Variants in TBL1X observed in about 807,000 individuals in gnomAD.
The protein encoded by TBL1X is transducin beta like 1 X-linked, also known as F-box-like/WD repeat-containing protein TBL1X.
Under a neutral mutation model 50.7 loss-of-function variants are expected in TBL1X, and 10 were observed. The ratio of observed to expected loss-of-function variants is 0.20; its 90% CI spans 0.12 to 0.33. The LOEUF (loss-of-function observed/expected upper bound fraction) is 0.33. Among genes scored for constraint, TBL1X ranks in the 10% least tolerant of loss-of-function variants. The pLI is 1.00. For missense variants in TBL1X, 340 were observed against 504.4 expected (o/e 0.67, Z 3.12); for synonymous variants, 190 against 214.7 (o/e 0.88, Z 1.01).
At chrX:9,522,753 C>G (rs1364052273) in intron 2 of TBL1X, among the ~76,000 whole-genome samples, 1 of 111,904 alleles carries the variant, frequency 8.9e-6, no homozygotes, top group Non-Finnish European at 1.9e-5. Context: ...GCCCCCACTT[C>G]TCTGCAGCAG....
intron 3 of TBL1X, among the ~76,000 whole-genome samples, chrX:9,647,286 T>C (rs2082810147): frequency 1.8e-5 from 2 of 112,180 alleles, no homozygotes; most frequent in African/African-American, 6.5e-5. Flanking sequence ...GAATTACTTA[T>C]CTTTAGCAGA....
At chrX:9,544,218 A>G (rs2082229815) in intron 2 of TBL1X, among the ~76,000 whole-genome samples, 1 of 112,610 alleles carries the variant, frequency 8.9e-6, no homozygotes, top group Non-Finnish European at 1.9e-5. Flanking sequence ...AGGCATTGCT[A>G]TCCCATGGGG....
At chrX:9,475,054 A>G (rs1322310497) in intron 1 of TBL1X, among the ~76,000 whole-genome samples, 1 of 110,273 alleles carries the variant, frequency 9.1e-6, no homozygotes, top group African/African-American at 3.3e-5. Flanking sequence ...TTGTATTTTT[A>G]GTAGAGACGG....
chrX:9,576,753 C>G (rs1052611488), intron 2 of TBL1X, among the ~76,000 whole-genome samples: 1 of 104,093 alleles, frequency 9.6e-6, no homozygotes, highest in African/African-American at 3.6e-5. Flanking sequence ...AATCCCAGCA[C>G]TTTGGGAGTC....
intron 2 of TBL1X, among the ~76,000 whole-genome samples, chrX:9,612,939 TA>T (rs760815154): frequency 0.015 from 1,610 of 105,000 alleles, 19 homozygotes; most frequent in South Asian, 0.056. Context: ...ATATAACAGT[TA>T]AAAAAAAAAC....
chrX:9,521,720 G>A lies in TBL1X; in HGVS notation c.-131+19871G>A, dbSNP rs1395182041. Reference sequence around the variant, plus strand: ...CCATCTGAATTTGGTTGTGAATGCAGAACCTGCCCATAAGGAGGGCCAATT... The same window carrying A: ...CCATCTGAATTTGGTTGTGAATGCAAAACCTGCCCATAAGGAGGGCCAATT... On this transcript the variant is annotated intron_variant, in intron 2 of 17. Transcript: ENST00000645353. Among the ~76,000 whole-genome samples the A allele has an allele frequency of 2.7e-5, 3 of 111,613 alleles. No homozygotes were observed. In the East Asian group the frequency reaches 8.4e-4, roughly 31 times the overall value.
At chrX:9,474,098 C>T (rs1178277014) in intron 1 of TBL1X, among the ~76,000 whole-genome samples, 1 of 112,607 alleles carries the variant, frequency 8.9e-6, no homozygotes, top group African/African-American at 3.2e-5. Context: ...GGCAGGTGCA[C>T]AGCAAGATTT....
At chrX:9,714,833 G>A (rs773210722) in intron 16 of TBL1X, 69 bp from the exon 17 acceptor site, 12 of 1,020,747 alleles carry the variant, frequency 1.2e-5, no homozygotes, top group Admixed American at 9.8e-5. Flanking sequence ...CCGGAGGAGC[G>A]CACATTCCAC....
At chrX:9,552,185 G>A (rs2082274169) in intron 2 of TBL1X, among the ~76,000 whole-genome samples, 1 of 111,357 alleles carries the variant, frequency 9.0e-6, no homozygotes, top group Non-Finnish European at 1.9e-5. Flanking sequence ...GGGATGATGA[G>A]GTTGGGGTGT....
intron 2 of TBL1X, among the ~76,000 whole-genome samples, chrX:9,517,174 C>T (rs932439995): frequency 3.6e-5 from 4 of 111,295 alleles, no homozygotes; most frequent in African/African-American, 1.3e-4. Context: ...CCTGCAGGAA[C>T]GAGTTTCTTG....
intron 2 of TBL1X, among the ~76,000 whole-genome samples, chrX:9,506,044 A>G (rs1195331986): frequency 8.9e-6 from 1 of 112,340 alleles, no homozygotes; most frequent in Non-Finnish European, 1.9e-5. Flanking sequence ...CAACCACACA[A>G]TTGGAAGTAA....
intron 2 of TBL1X, among the ~76,000 whole-genome samples, chrX:9,513,888 T>G (rs540145568): frequency 1.2e-4 from 13 of 108,477 alleles, no homozygotes; most frequent in African/African-American, 4.4e-4. Flanking sequence ...GGAGAGCAGG[T>G]GTCTCACATG....
Position 9,623,316 on chromosome X carries a change from G to A in TBL1X, c.-130-16957G>A, listed in dbSNP as rs1319966210. Among the ~76,000 whole-genome samples the A allele has an allele frequency of 4.5e-5, 5 of 111,918 alleles. No homozygotes were observed. The Admixed American group carries it at 4.7e-4, about 11-fold the overall frequency. On this transcript the variant is annotated intron_variant, in intron 2 of 17. Transcript: ENST00000645353. Reference sequence around the variant, plus strand: ...CATAGTTGAAGTTTCATTGGAACACGGTTATACCCATTGTCTGTTGTCTAT... The same window carrying A: ...CATAGTTGAAGTTTCATTGGAACACAGTTATACCCATTGTCTGTTGTCTAT...
chrX:9,604,954 A>G (rs1258869696), intron 2 of TBL1X, among the ~76,000 whole-genome samples: 2 of 111,182 alleles, frequency 1.8e-5, no homozygotes, highest in East Asian at 5.7e-4. Flanking sequence ...GAACTGAAAC[A>G]TCTTTCAAGA....
chrX:9,676,395 G>A (rs1365426024), intron 5 of TBL1X, among the ~76,000 whole-genome samples: 1 of 112,189 alleles, frequency 8.9e-6, no homozygotes, highest in East Asian at 2.8e-4. Flanking sequence ...AGCCACATGA[G>A]TTTATGGCCT....
intron 2 of TBL1X, among the ~76,000 whole-genome samples, chrX:9,513,933 G>A (rs928851451): frequency 9.2e-6 from 1 of 108,919 alleles, no homozygotes; most frequent in East Asian, 2.9e-4. Flanking sequence ...GGGAAGGCTA[G>A]GCTCTTTTAA....
chrX:9,615,633 C>T (rs2082635574), intron 2 of TBL1X, among the ~76,000 whole-genome samples: 1 of 112,232 alleles, frequency 8.9e-6, no homozygotes, highest in Non-Finnish European at 1.9e-5. Context: ...AGCCCTGTAA[C>T]CAGAGTCCTC....
intron 5 of TBL1X, among the ~76,000 whole-genome samples, chrX:9,673,563 G>C (rs147343521): frequency 8.9e-6 from 1 of 111,956 alleles, no homozygotes; most frequent in African/African-American, 3.2e-5. Flanking sequence ...CATCCATCTG[G>C]CTTTGGAATC....
At chrX:9,526,912 A>G (rs1013477282) in intron 2 of TBL1X, among the ~76,000 whole-genome samples, 1 of 111,403 alleles carries the variant, frequency 9.0e-6, no homozygotes, top group Non-Finnish European at 1.9e-5. Context: ...CAGACACACC[A>G]AAGGGGGGAG....
Sources: allele counts gnomAD v4.1 joint callset (sites outside exome capture counted in the v4.1 genomes callset), GRCh38; gene constraint gnomAD v4.1.1; transcripts MANE v1.5; gene names NCBI Gene and HGNC (gene_info 2026-07-23, HGNC 2026-07-21).